Variants in UQCC1 observed in about 807,000 individuals in gnomAD.
UQCC1 encodes ubiquinol-cytochrome c reductase complex assembly factor 1.
UQCC1 carries 38 observed loss-of-function variants against 48.0 expected under a neutral mutation model. That is an observed-to-expected ratio of 0.79 (90% CI 0.61 to 1.04). The LOEUF (loss-of-function observed/expected upper bound fraction) is 1.04. Ranked by LOEUF, UQCC1 falls within the 50% of genes least tolerant of loss-of-function variation. The pLI, the probability that UQCC1 is intolerant of heterozygous loss-of-function variation, is 0.00. For synonymous variants in UQCC1, 111 were observed against 129.2 expected, an observed-to-expected ratio of 0.86 and a Z score of 0.95; for missense variants, 368 against 381.8, an observed-to-expected ratio of 0.96 and a Z score of 0.30.
intron 1 of UQCC1, among the ~76,000 whole-genome samples, chr20:35,410,694 G>A (rs2062339082): frequency 2.9e-4 from 1 of 3,392 alleles, no homozygotes; most frequent in Non-Finnish European, 6.8e-4. Flanking sequence ...GACAGAGCAA[G>A]ACTCTGCCTC....
At chr20:35,351,551 C>A (rs1347451152) in intron 6 of UQCC1, among the ~76,000 whole-genome samples, 1 of 152,166 alleles carries the variant, frequency 6.6e-6, no homozygotes, top group Non-Finnish European at 1.5e-5. Flanking sequence ...TTAATCAAAT[C>A]CCTCATGTCA....
At chr20:35,305,103 C>T (rs2060914412) in intron 9 of UQCC1, among the ~76,000 whole-genome samples, 1 of 152,262 alleles carries the variant, frequency 6.6e-6, no homozygotes, top group Non-Finnish European at 1.5e-5. Flanking sequence ...CTCTGCCCTC[C>T]CTGTATCACA....
chr20:35,369,407 G>C (rs1202235445), intron 5 of UQCC1, among the ~76,000 whole-genome samples: 1 of 152,234 alleles, frequency 6.6e-6, no homozygotes, highest in African/African-American at 2.4e-5. Context: ...ACCTGCTGTA[G>C]TATTTTGCCA....
At chr20:35,323,988 C>T (rs1047067654) in intron 7 of UQCC1, among the ~76,000 whole-genome samples, 3 of 152,228 alleles carry the variant, frequency 2.0e-5, no homozygotes, top group Non-Finnish European at 2.9e-5. Context: ...GGCACAGTGG[C>T]TCATGCCTGT....
At chr20:35,313,374 TAAAAAAAAAAAA>T (rs1182863735) in intron 8 of UQCC1, among the ~76,000 whole-genome samples, 49 of 45,490 alleles carry the variant, frequency 1.1e-3, no homozygotes, top group African/African-American at 4.5e-3. Context: ...AGACTCTGTC[TAAAAAAAAAAAA>T]AAAAAAAAAA....
intron 1 of UQCC1, among the ~76,000 whole-genome samples, chr20:35,411,116 T>G (rs1407723750): frequency 2.0e-5 from 3 of 152,196 alleles, no homozygotes; most frequent in Non-Finnish European, 4.4e-5. Flanking sequence ...GAAGACTCGC[T>G]AAAACTATAC....
chr20:35,326,225 G>A (rs999774526), intron 7 of UQCC1, among the ~76,000 whole-genome samples: 4 of 152,178 alleles, frequency 2.6e-5, no homozygotes, highest in Non-Finnish European at 5.9e-5. Context: ...CCAGAGCAAC[G>A]GGATTTGATT....
chr20:35,391,931 G>A (rs2062018939), intron 2 of UQCC1, among the ~76,000 whole-genome samples: 1 of 152,104 alleles, frequency 6.6e-6, no homozygotes, highest in Non-Finnish European at 1.5e-5. Flanking sequence ...ATATTTTTAA[G>A]TAGACAGAAC....
chr20:35,355,884 CTTTTT>C (rs35947113), intron 6 of UQCC1, among the ~76,000 whole-genome samples: 2 of 140,302 alleles, frequency 1.4e-5, no homozygotes, highest in Non-Finnish European at 1.6e-5. Context: ...CACATACTAT[CTTTTT>C]TTTTTTTTTT....
At chr20:35,354,055 A>T (rs1275753580) in intron 6 of UQCC1, among the ~76,000 whole-genome samples, 1 of 152,192 alleles carries the variant, frequency 6.6e-6, no homozygotes, top group Non-Finnish European at 1.5e-5. Context: ...ATAGGTCTAT[A>T]GCCTAGGAGC....
chr20:35,371,699 G>GAAAAAA (rs57335287), intron 5 of UQCC1, among the ~76,000 whole-genome samples: 1 of 92,200 alleles, frequency 1.1e-5, no homozygotes, highest in African/African-American at 4.4e-5. Context: ...GGCACTTAAA[G>GAAAAAA]AAAAAAAAAA....
chr20:35,316,272 C>A (rs563932901), intron 7 of UQCC1, among the ~76,000 whole-genome samples: 2 of 152,278 alleles, frequency 1.3e-5, no homozygotes, highest in South Asian at 4.2e-4. Flanking sequence ...TTACGAAGCA[C>A]CTGTCATGGG....
At chr20:35,378,798 T>C (rs2061833105) in intron 4 of UQCC1, among the ~76,000 whole-genome samples, 2 of 152,202 alleles carry the variant, frequency 1.3e-5, no homozygotes, top group Non-Finnish European at 1.5e-5. Context: ...GGACAATTCT[T>C]GTTAGATTCT....
In UQCC1 at chr20:35,330,142, G is replaced by A. The variant is rs149849253; in HGVS notation, c.574-15377C>T. ...GCTGACCTTAAGAGAAAAGGATCAG[G>A]AGGTCTTTGATTGGAGGCTTTTCCC... On this transcript the variant is annotated intron_variant, in intron 7 of 9. Transcript: ENST00000374385. 8.7e-4 allele frequency among the ~76,000 whole-genome samples: 133 copies of A among 152,346 alleles called. 2 individuals carry two copies. The East Asian group carries it at 0.019, about 22-fold the overall frequency.
In UQCC1 at chr20:35,305,957, G is replaced by T. The variant is rs972546100; in HGVS notation, c.765+709C>A. Among the ~76,000 whole-genome samples, 27 of 152,198 alleles carry T rather than the reference G, an allele frequency of 1.8e-4. 1 individual carries two copies. Among genetic ancestry groups the T allele is most frequent in the Non-Finnish European group, 1.5e-5 (1 of 68,024 alleles). ...CAGGCTGACTCACTGGGAGGCCCTG[G>T]AAGAGCCTCTATGTCCTCTTCGCTG... On this transcript the variant is annotated intron_variant, in intron 9 of 9. Coordinates refer to ENST00000374385, the MANE Select transcript of UQCC1 (RefSeq NM_018244.5).
rs571584950 is a variant in UQCC1 at position 35,364,726 on chromosome 20, G to A, written c.464+1831C>T. Among the ~76,000 whole-genome samples the A allele has an allele frequency of 1.2e-4, 19 of 152,310 alleles. 1 individual carries two copies. In the South Asian group the frequency reaches 2.7e-3, roughly 22 times the overall value. On this transcript the variant is annotated intron_variant, in intron 6 of 9. Transcript: ENST00000374385. ...AACCTCAGCAAGGAAGATTAAGCAG[G>A]CACAGTTTGGAAACTTTAAAGAACT...
At chr20:35,377,961 T>A (rs1425477585) in intron 4 of UQCC1, among the ~76,000 whole-genome samples, 2 of 152,204 alleles carry the variant, frequency 1.3e-5, no homozygotes. Context: ...TATACTTGGG[T>A]GAGCCATTTT....
At chr20:35,307,063 C>T (rs1347268525) in intron 8 of UQCC1, 1 of 468,108 alleles carries the variant, frequency 2.1e-6, no homozygotes, top group Non-Finnish European at 4.0e-6. Context: ...GTACTCCGTA[C>T]TGCGCCTGGC....
chr20:35,369,624 A>G (rs2061707209), intron 5 of UQCC1, among the ~76,000 whole-genome samples: 1 of 152,158 alleles, frequency 6.6e-6, no homozygotes, highest in African/African-American at 2.4e-5. Context: ...CACTGGGTAA[A>G]ATTACTCAAT....
Sources: allele counts gnomAD v4.1 joint callset (sites outside exome capture counted in the v4.1 genomes callset), GRCh38; gene constraint gnomAD v4.1.1; transcripts MANE v1.5; gene names NCBI Gene and HGNC (gene_info 2026-07-23, HGNC 2026-07-21).